LRRC4C: variants seen among roughly 807,000 people sequenced by gnomAD.
The protein encoded by LRRC4C is leucine-rich repeat-containing protein 4C.
In LRRC4C, 5 loss-of-function variants were observed where a neutral mutation model predicts 33.6. That is an observed-to-expected ratio of 0.15 (90% CI 0.08 to 0.31). The LOEUF (loss-of-function observed/expected upper bound fraction) is 0.31, where lower values mean the gene tolerates loss of function less well. Ranked by LOEUF, LRRC4C falls within the 10% of genes least tolerant of loss-of-function variation. The pLI is 1.00. For missense variants in LRRC4C, 560 were observed against 796.7 expected (o/e 0.70, Z 3.58); for synonymous variants, 329 against 302.0 (o/e 1.09, Z -0.93).
At chr11:41,439,079 C>A (rs1394137319) in intron 1 of LRRC4C, among the ~76,000 whole-genome samples, 1 of 152,090 alleles carries the variant, frequency 6.6e-6, no homozygotes, top group Non-Finnish European at 1.5e-5. Context: ...TTTGGAGTCT[C>A]CAATGTCTAT....
chr11:40,709,903 C>T (rs1277853941), intron 2 of LRRC4C, among the ~76,000 whole-genome samples: 1 of 152,034 alleles, frequency 6.6e-6, no homozygotes, highest in Non-Finnish European at 1.5e-5. Context: ...ACTCTTTTTT[C>T]TCTAAACTTC....
chr11:41,381,633 A>T (rs1953156498), intron 1 of LRRC4C, among the ~76,000 whole-genome samples: 2 of 92,606 alleles, frequency 2.2e-5, no homozygotes, highest in South Asian at 7.2e-4. Context: ...CTTCAAAAAA[A>T]AAAAAAGAAA....
rs555539089 is a variant in LRRC4C, at chr11:40,541,942, AT to A, written c.-270+106199del. ...TAAATCTTCTGCCCAGTTTTTTGAG[AT>A]TCTTGATATTTGACTCTTCTTTTTC... On this transcript the variant is annotated intron_variant, in intron 3 of 6. Transcript: ENST00000528697. Among the ~76,000 whole-genome samples, 29 of 152,216 alleles carry A rather than the reference AT, an allele frequency of 1.9e-4. No homozygotes were observed. In the South Asian group the frequency reaches 6.0e-3, roughly 32 times the overall value.
intron 2 of LRRC4C, among the ~76,000 whole-genome samples, chr11:40,876,709 A>C (rs1473820805): frequency 2.0e-5 from 3 of 151,808 alleles, no homozygotes; most frequent in Admixed American, 1.3e-4. Flanking sequence ...TTGAGACCTT[A>C]CTGGCCAACT....
intron 2 of LRRC4C, among the ~76,000 whole-genome samples, chr11:40,910,003 A>C (rs1485972476): frequency 6.6e-6 from 1 of 152,108 alleles, no homozygotes; most frequent in East Asian, 1.9e-4. Context: ...TCTTCCCTTT[A>C]TAATTCTATT....
chr11:40,822,558 A>G (rs750972323), intron 2 of LRRC4C, among the ~76,000 whole-genome samples: 1 of 151,544 alleles, frequency 6.6e-6, no homozygotes, highest in Non-Finnish European at 1.5e-5. Flanking sequence ...TGAGTCTCTT[A>G]TATATTCCGG....
chr11:40,938,644 A>T (rs1958012151), intron 1 of LRRC4C, among the ~76,000 whole-genome samples: 1 of 152,156 alleles, frequency 6.6e-6, no homozygotes, highest in Non-Finnish European at 1.5e-5. Flanking sequence ...GGTGATTCAG[A>T]CTTGACCACA....
intron 1 of LRRC4C, among the ~76,000 whole-genome samples, chr11:41,045,791 A>AG (rs147034314): frequency 0.016 from 2,429 of 152,212 alleles, 70 homozygotes; most frequent in African/African-American, 0.054. Flanking sequence ...GACTTTGATA[A>AG]GGGTGAGTCC....
chr11:41,373,948 A>AT (rs1424899534), intron 1 of LRRC4C, among the ~76,000 whole-genome samples: 9 of 152,196 alleles, frequency 5.9e-5, no homozygotes, highest in Admixed American at 6.5e-5. Context: ...TAAAGTTGGC[A>AT]TGTAGCTATA....
intron 2 of LRRC4C, among the ~76,000 whole-genome samples, chr11:40,721,895 C>T (rs1303345765): frequency 6.6e-6 from 1 of 152,108 alleles, no homozygotes; most frequent in East Asian, 1.9e-4. Context: ...GAGCCAAGAT[C>T]GCGCCACTGC....
intron 1 of LRRC4C, among the ~76,000 whole-genome samples, chr11:41,186,483 A>G (rs1945700910): frequency 6.6e-6 from 1 of 152,238 alleles, no homozygotes; most frequent in South Asian, 2.1e-4. Flanking sequence ...GAAAAATTAA[A>G]CTTATAGTTG....
chr11:40,140,935 C>T (rs1857322427), intron 5 of LRRC4C, 82 bp from the exon 6 acceptor site: 1 of 152,616 alleles, frequency 6.6e-6, no homozygotes, highest in African/African-American at 2.4e-5. Context: ...CTGCCACCAC[C>T]ACAACCACCA....
Position 40,685,613 on chromosome 11 carries a change from T to A in LRRC4C, c.-406-37335A>T, listed in dbSNP as rs555430369. Among the ~76,000 whole-genome samples the A allele has an allele frequency of 7.2e-5, 11 of 151,818 alleles. No homozygotes were observed. The South Asian group carries it at 2.3e-3, about 32-fold the overall frequency. Reference sequence around the variant, plus strand: ...TACCCAGAAAACCTGGAAAATAGAATTCGAGGACACACTTACACAAAAGTG... The same window carrying A: ...TACCCAGAAAACCTGGAAAATAGAAATCGAGGACACACTTACACAAAAGTG... On this transcript the variant is annotated intron_variant, in intron 2 of 6. Coordinates refer to ENST00000528697, the MANE Select transcript of LRRC4C (RefSeq NM_001258419.2).
intron 1 of LRRC4C, among the ~76,000 whole-genome samples, chr11:41,324,385 A>G (rs2922024): frequency 0.41 from 61,600 of 152,046 alleles, 13,445 homozygotes; most frequent in Non-Finnish European, 0.49. Flanking sequence ...AGCCAAGATC[A>G]TGCCATTGCA....
At chr11:40,840,234 G>C (rs776989311) in intron 2 of LRRC4C, among the ~76,000 whole-genome samples, 1 of 152,064 alleles carries the variant, frequency 6.6e-6, no homozygotes, top group Non-Finnish European at 1.5e-5. Context: ...AAGAAAAACA[G>C]ATATAAGCAT....
chr11:40,477,715 T>C (rs76193309), intron 3 of LRRC4C, among the ~76,000 whole-genome samples: 4,468 of 152,224 alleles, frequency 0.029, 225 homozygotes, highest in African/African-American at 0.1. Flanking sequence ...GTGAATTGCT[T>C]AGCAGCCACC....
At position 41,059,788 on chromosome 11, in the gene LRRC4C, G is replaced by T. The variant is rs571125503; in HGVS notation, c.-495-126065C>A. 3.3e-5 allele frequency among the ~76,000 whole-genome samples: 5 copies of T among 152,286 alleles called. No individual in the cohort carries two copies. In the East Asian group the frequency reaches 9.7e-4, roughly 29 times the overall value. ...GCCTGTAATCCCAGCACTTTGGGAG[G>T]CTGAGAAAGGTGGATCACTTGAGGT... On this transcript the variant is annotated intron_variant, in intron 1 of 6. Transcript: ENST00000528697.
intron 1 of LRRC4C, among the ~76,000 whole-genome samples, chr11:41,035,424 T>G (rs1857005690): frequency 6.6e-6 from 1 of 152,068 alleles, no homozygotes; most frequent in African/African-American, 2.4e-5. Flanking sequence ...TGTTTCCCTC[T>G]CTGTGACCAT....
chr11:40,957,633 A>G (rs2136817933), intron 1 of LRRC4C, among the ~76,000 whole-genome samples: 1 of 151,894 alleles, frequency 6.6e-6, no homozygotes, highest in East Asian at 1.9e-4. Flanking sequence ...ATAATGGGAC[A>G]AAAGAGATGG....
Sources: gnomAD v4.1 joint callset for allele counts (sites outside exome capture counted in the v4.1 genomes callset) on GRCh38, gnomAD v4.1.1 for gene constraint, MANE v1.5 for transcripts, NCBI Gene and HGNC (gene_info 2026-07-23, HGNC 2026-07-21) for gene names.